Variants in PHF3 observed in about 807,000 individuals in gnomAD.
The protein encoded by PHF3 is PHD finger protein 3.
Under a neutral mutation model 178.4 loss-of-function variants are expected in PHF3, and 41 were observed. That is an observed-to-expected ratio of 0.23 (90% confidence interval 0.18 to 0.30). The LOEUF is 0.30. Ranked by LOEUF, PHF3 falls within the 10% of genes least tolerant of loss-of-function variation. PHF3 has a pLI of 1.00. For missense variants in PHF3, 2,346 were observed against 2,398.1 expected (o/e 0.98, Z 0.45); for synonymous variants, 842 against 800.5 (o/e 1.05, Z -0.88).
intron 8 of PHF3, among the ~76,000 whole-genome samples, chr6:63,699,491 G>A (rs1481060428): frequency 6.6e-6 from 1 of 152,192 alleles, no homozygotes; most frequent in African/African-American, 2.4e-5. Flanking sequence ...ACTTAAAATT[G>A]TACATTCTGC....
chr6:63,667,927 G>C (rs1042901102), intron 2 of PHF3, among the ~76,000 whole-genome samples: 1 of 152,160 alleles, frequency 6.6e-6, no homozygotes, highest in Non-Finnish European at 1.5e-5. Flanking sequence ...TGTTAAATTG[G>C]ATTACTGGGT....
intron 13 of PHF3, among the ~76,000 whole-genome samples, chr6:63,708,138 A>G (rs2149608376): frequency 6.6e-6 from 1 of 152,230 alleles, no homozygotes; most frequent in African/African-American, 2.4e-5. Context: ...GAATACTGGG[A>G]TTACAGATGT....
chr6:63,688,510 T>G (rs868318260), intron 4 of PHF3, among the ~76,000 whole-genome samples: 24 of 150,730 alleles, frequency 1.6e-4, no homozygotes, highest in African/African-American at 5.6e-4. Context: ...TTATTTTGTA[T>G]TTTTTGTAGA....
At chr6:63,693,145 C>A (rs143372188) in intron 5 of PHF3, among the ~76,000 whole-genome samples, 1 of 152,116 alleles carries the variant, frequency 6.6e-6, no homozygotes, top group Non-Finnish European at 1.5e-5. Context: ...TAATATGGAT[C>A]TGAGAGCCAC....
At chr6:63,692,311 T>C (rs1342228589) in intron 5 of PHF3, among the ~76,000 whole-genome samples, 1 of 152,200 alleles carries the variant, frequency 6.6e-6, no homozygotes, top group African/African-American at 2.4e-5. Flanking sequence ...TTTTCTGTTG[T>C]AGGATGTGTG....
At chr6:63,673,845 A>G (rs1766033930) in intron 2 of PHF3, among the ~76,000 whole-genome samples, 1 of 152,186 alleles carries the variant, frequency 6.6e-6, no homozygotes, top group Non-Finnish European at 1.5e-5. Flanking sequence ...TCTTAACTAT[A>G]AAGGTAAGGG....
chr6:63,641,358 A>G (rs1764563443), intron 1 of PHF3, among the ~76,000 whole-genome samples: 1 of 152,116 alleles, frequency 6.6e-6, no homozygotes, highest in Non-Finnish European at 1.5e-5. Flanking sequence ...ATTGCCTTGT[A>G]TAACTTTTCT....
At chr6:63,636,327 C>T (rs756102138) in intron 1 of PHF3, among the ~76,000 whole-genome samples, 177 bp downstream of exon 1, 1 of 152,216 alleles carries the variant, frequency 6.6e-6, no homozygotes, top group Non-Finnish European at 1.5e-5. Flanking sequence ...CGTCCTCGGC[C>T]TACCTGGGCC....
At chr6:63,670,528 C>T (rs1334322251) in intron 2 of PHF3, among the ~76,000 whole-genome samples, 5 of 152,012 alleles carry the variant, frequency 3.3e-5, no homozygotes, top group African/African-American at 7.3e-5. Context: ...CCTTGTGATC[C>T]GCCCAACTCG....
chr6:63,641,279 A>G lies in PHF3; in HGVS notation c.-26+5129A>G, dbSNP rs528200855. On this transcript the variant is annotated intron_variant, in intron 1 of 15. Transcript: ENST00000262043. ...CTACCTCACTTGAGATTTTGGTTCAAATGTTACGCTGTGAGGCCTTCACTT... is the reference window on the plus strand; with the variant it reads ...CTACCTCACTTGAGATTTTGGTTCAGATGTTACGCTGTGAGGCCTTCACTT... Among the ~76,000 whole-genome samples, 79 of 152,186 alleles carry G rather than the reference A, an allele frequency of 5.2e-4. 2 individuals carry two copies. The highest frequency in any genetic ancestry group is 1.9e-3 in the African/African-American group (78 of 41,510).
chr6:63,707,443 T>C (rs1159728315), intron 13 of PHF3, among the ~76,000 whole-genome samples: 1 of 152,218 alleles, frequency 6.6e-6, no homozygotes, highest in East Asian at 1.9e-4. Flanking sequence ...AGAAAGAAAC[T>C]ATTATGTGGT....
chr6:63,652,112 TC>T (rs1765044072), intron 2 of PHF3, among the ~76,000 whole-genome samples: 1 of 152,172 alleles, frequency 6.6e-6, no homozygotes, highest in Admixed American at 6.5e-5. Context: ...TTGAGGAACT[TC>T]CATATGTTTT....
rs1456483021 is a variant in PHF3 at position 63,719,045 on chromosome 6, A to G, written c.*5337A>G. Among the ~76,000 whole-genome samples, 1 of 152,018 alleles carries G rather than the reference A, an allele frequency of 6.6e-6. No individual in the cohort carries two copies. Among genetic ancestry groups the G allele is most frequent in the Non-Finnish European group, 1.5e-5 (1 of 67,962 alleles). On this transcript the variant is annotated 3_prime_UTR_variant, in exon 16 of 16. Coordinates refer to ENST00000262043, the MANE Select transcript of PHF3 (RefSeq NM_001370348.2). ...TTCCGTTAAAAAAACAAACCTTTGA[A>G]TCAATGTGTAAACATTCTGCAATTC...
At position 63,706,072 on chromosome 6, in the gene PHF3, A is replaced by G. The variant is rs778480423; in HGVS notation, c.3411A>G (p.Val1137=). ...PPVDDLSPKK[V]KVVVGVARKH... ...TAGATGATCTTTCTCCAAAAAAAGT[A>G]AAAGTTGTTGTAGGAGTAGCTCGCA... The change falls in exon 12 of 16, where the codon GTA becomes GTG. Residue 1137 remains valine (V), a synonymous_variant. Coordinates refer to ENST00000262043, the MANE Select transcript of PHF3 (RefSeq NM_001370348.2). 2 of 1,613,820 alleles carry G rather than the reference A, an allele frequency of 1.2e-6. No homozygotes were observed. Among genetic ancestry groups the G allele is most frequent in the Non-Finnish European group, 1.7e-6 (2 of 1,179,926 alleles).
chr6:63,646,666 A>G lies in PHF3; in HGVS notation c.115A>G (p.Asn39Asp). 6.2e-7 allele frequency: 1 copy of G among 1,613,922 alleles called. No individual in the cohort carries two copies. Among genetic ancestry groups the G allele is most frequent in the Non-Finnish European group, 8.5e-7 (1 of 1,179,954 alleles). Residue 39 changes from asparagine (N) to aspartate (D), a missense_variant, in exon 2 of 16, where the codon AAT (asparagine) becomes GAT (aspartate). This residue lies in a region of PHF3 where 843 missense variants were observed against 795.2 expected (regional missense o/e 1.06). Transcript: ENST00000262043. ...CTGTGAGGATTTTAGTGCAAGTCAA[A>G]ATGTCTTAGAGGACTCGCTGAAGAA... ...EVCEDFSASQNVLEDSLKNML... is the reference protein window; with the variant it reads ...EVCEDFSASQDVLEDSLKNML...
chr6:63,671,106 CTT>C (rs563692137), intron 2 of PHF3, among the ~76,000 whole-genome samples: 1 of 141,988 alleles, frequency 7.0e-6, no homozygotes. Context: ...GGTCGAGCTG[CTT>C]TTTTTTTTTT....
chr6:63,684,445 T>C lies in PHF3; in HGVS notation c.723T>C (p.Asn241=). ...GATTAGATTCTAAGCATAAGTGTAATAATCCGGGAGAAATAGATGTGCCAT... is the reference window on the plus strand; with the variant it reads ...GATTAGATTCTAAGCATAAGTGTAACAATCCGGGAGAAATAGATGTGCCAT... ...EDGLDSKHKC[N]NPGEIDVPSH... The change falls in exon 4 of 16, where the codon AAT becomes AAC. Residue 241 remains asparagine (N), a synonymous_variant. Transcript: ENST00000262043. 2 of 1,613,986 alleles carry C rather than the reference T, an allele frequency of 1.2e-6. No individual in the cohort carries two copies. The highest frequency in any genetic ancestry group is 1.7e-6 in the Non-Finnish European group (2 of 1,179,854).
chr6:63,711,778 A>T lies in PHF3; in HGVS notation c.4190A>T (p.Asp1397Val), dbSNP rs1226589356. ...GAAGAAGCACCAGAGGAAGAAAATG[A>T]CTTTTTTAATTCTTTTACAACTGTA... ...STEEAPEEEN[D>V]FFNSFTTVLH... Residue 1397 changes from aspartate to valine, a missense_variant, in exon 16 of 16, where the codon GAC (aspartate) becomes GTC (valine). Physicochemically the swap from Asp to Val is radical, Grantham distance 152. Coordinates refer to ENST00000262043, the MANE Select transcript of PHF3 (RefSeq NM_001370348.2). 2.5e-6 allele frequency: 4 copies of T among 1,612,850 alleles called. No homozygotes were observed. The East Asian group carries it at 8.9e-5, about 36-fold the overall frequency.
chr6:63,659,705 A>C (rs1765387350), intron 2 of PHF3, among the ~76,000 whole-genome samples: 1 of 152,172 alleles, frequency 6.6e-6, no homozygotes, highest in African/African-American at 2.4e-5. Context: ...AAGCCAGCCT[A>C]ATCTGAAAAT....
Sources: allele counts gnomAD v4.1 joint callset (sites outside exome capture counted in the v4.1 genomes callset), GRCh38; gene constraint gnomAD v4.1.1; regional missense constraint gnomAD v4.1.1; transcripts MANE v1.5; gene names NCBI Gene and HGNC (gene_info 2026-07-23, HGNC 2026-07-21).